Variants in SLC13A4 observed in about 807,000 individuals in gnomAD.
The protein encoded by SLC13A4 is Na(+)/sulfate cotransporter SUT-1.
Under a neutral mutation model 72.7 loss-of-function variants are expected in SLC13A4, and 28 were observed. The ratio of observed to expected loss-of-function variants is 0.39; its 90% CI spans 0.29 to 0.53. SLC13A4 has a LOEUF of 0.53. Among genes scored for constraint, SLC13A4 ranks in the 20% least tolerant of loss-of-function variants. The pLI is 0.78. For synonymous variants in SLC13A4, 312 were observed against 325.5 expected, an observed-to-expected ratio of 0.96 and a Z score of 0.45; for missense variants, 653 against 788.0, an observed-to-expected ratio of 0.83 and a Z score of 2.05.
intron 13 of SLC13A4, among the ~76,000 whole-genome samples, chr7:135,688,204 G>C (rs570215746): frequency 1.3e-5 from 2 of 151,850 alleles, no homozygotes; most frequent in Non-Finnish European, 2.9e-5. Context: ...TCAAACTCCT[G>C]ATCTCAGGTG....
chr7:135,684,521 C>T (rs1795577960), intron 14 of SLC13A4, among the ~76,000 whole-genome samples: 2 of 152,094 alleles, frequency 1.3e-5, no homozygotes, highest in South Asian at 4.1e-4. Flanking sequence ...TGGTGTTATT[C>T]TAAGGAATTG....
intron 6 of SLC13A4, chr7:135,702,620 C>A: frequency 2.0e-6 from 1 of 503,506 alleles, no homozygotes; most frequent in East Asian, 3.7e-5. Flanking sequence ...AAGTGGTCCT[C>A]CTGCTGTGGC....
chr7:135,705,985 G>A (rs1267563775), intron 4 of SLC13A4, 143 bp downstream of exon 4: 6 of 706,600 alleles, frequency 8.5e-6, no homozygotes, highest in African/African-American at 1.8e-5. Context: ...AGGAGAGAGG[G>A]AAGAGGAAGG....
intron 10 of SLC13A4, 188 bp from the exon 11 acceptor site, chr7:135,692,612 A>G (rs1795815238): frequency 1.8e-6 from 1 of 570,094 alleles, no homozygotes; most frequent in African/African-American, 1.9e-5. Flanking sequence ...AAAACATGAC[A>G]TTAACCATGT....
At chr7:135,721,579 T>C (rs138974266) in intron 1 of SLC13A4, 56 bp from the exon 2 acceptor site, 6 of 1,603,794 alleles carry the variant, frequency 3.7e-6, no homozygotes, top group Admixed American at 1.7e-5. Context: ...CCACTGAGCG[T>C]CCGGATGCAA....
intron 14 of SLC13A4, among the ~76,000 whole-genome samples, chr7:135,685,269 C>A (rs1291255470): frequency 6.6e-6 from 1 of 152,208 alleles, no homozygotes; most frequent in Non-Finnish European, 1.5e-5. Flanking sequence ...CAGGGCTGCC[C>A]CTAAACTAAT....
At chr7:135,702,674 C>G in intron 6 of SLC13A4, 171 bp downstream of exon 6, 1 of 649,108 alleles carries the variant, frequency 1.5e-6, no homozygotes, top group Non-Finnish European at 2.7e-6. Context: ...CCACGCCCAG[C>G]CAATGTGTCC....
At chr7:135,692,245 CCCCTG>C in intron 11 of SLC13A4, 73 bp downstream of exon 11, 1 of 980,616 alleles carries the variant, frequency 1.0e-6, no homozygotes, top group Non-Finnish European at 1.6e-6. Context: ...TTCATATCTG[CCCCTG>C]AGAGTCTATG....
At chr7:135,684,066 C>A in intron 15 of SLC13A4, 58 bp downstream of exon 15, 1 of 1,513,276 alleles carries the variant, frequency 6.6e-7, no homozygotes, top group Non-Finnish European at 8.9e-7. Context: ...GGCTGCAGAG[C>A]TGTCATCCCT....
chr7:135,698,034 TTATC>T (rs1484441433), intron 8 of SLC13A4, among the ~76,000 whole-genome samples: 4 of 152,280 alleles, frequency 2.6e-5, no homozygotes, highest in African/African-American at 4.8e-5. Flanking sequence ...AAATTTTTAT[TTATC>T]TATTTATTTT....
chr7:135,702,522 C>G, intron 6 of SLC13A4: 1 of 280,098 alleles, frequency 3.6e-6, no homozygotes, highest in Non-Finnish European at 6.9e-6. Context: ...ATTACCGGTG[C>G]CCATCACCAC....
intron 13 of SLC13A4, among the ~76,000 whole-genome samples, chr7:135,689,357 G>C (rs1795722029): frequency 6.6e-6 from 1 of 152,200 alleles, no homozygotes; most frequent in African/African-American, 2.4e-5. Context: ...CAGTTAAAAA[G>C]AATGAAGGGT....
rs572067649 is a variant in SLC13A4 at position 135,695,546 on chromosome 7, G to A, written c.900-59C>T. 3.2e-6 allele frequency: 5 copies of A among 1,564,390 alleles called. No homozygotes were observed. The East Asian group carries it at 7.0e-5, about 22-fold the overall frequency. On this transcript the variant is annotated intron_variant, in intron 8 of 15. Transcript: ENST00000682651. ...AGGGAGGGTTTCCATATGGTATTTTGGGGTAGTATGCCAAATGCTCCCTAA... is the reference window on the plus strand; with the variant it reads ...AGGGAGGGTTTCCATATGGTATTTTAGGGTAGTATGCCAAATGCTCCCTAA...
intron 2 of SLC13A4, among the ~76,000 whole-genome samples, chr7:135,710,117 A>G (rs1796265185): frequency 6.6e-6 from 1 of 152,250 alleles, no homozygotes; most frequent in African/African-American, 2.4e-5. Flanking sequence ...AAACCCTCTT[A>G]AAGTGAGAAA....
chr7:135,699,382 A>G lies in SLC13A4; in HGVS notation c.881T>C (p.Phe294Ser). ...TIIGTSTSLI[F>S]LEHFNNQYPA... ...CACTTACTTGTTGAAGTGTTCCAGG[A>G]AGATGAGGCTGGTGGAGGTGCCGAT... The change falls in exon 8 of 16, where the codon TTC (phenylalanine) becomes TCC (serine). Residue 294 changes from phenylalanine to serine, a missense_variant. Coordinates refer to ENST00000682651, the MANE Select transcript of SLC13A4 (RefSeq NM_001318192.2). 1 of 1,612,134 alleles carries G rather than the reference A, an allele frequency of 6.2e-7. No individual in the cohort carries two copies. The highest frequency in any genetic ancestry group is 8.5e-7 in the Non-Finnish European group (1 of 1,179,114).
chr7:135,684,206 A>T lies in SLC13A4; in HGVS notation c.1664T>A (p.Ile555Asn). 1.9e-6 allele frequency: 3 copies of T among 1,613,048 alleles called. No homozygotes were observed. Among genetic ancestry groups the T allele is most frequent in the Non-Finnish European group, 2.5e-6 (3 of 1,179,416 alleles). Residue 555 changes from isoleucine to asparagine, a missense_variant, in exon 15 of 16, where the codon ATC becomes AAC. Ile to Asn is a moderately radical substitution (Grantham distance 149, BLOSUM62 -3). Coordinates refer to ENST00000682651, the MANE Select transcript of SLC13A4 (RefSeq NM_001318192.2). ...CACAGGCAGCATCACTGCAAAGGAGATGCACATGGTGACTGGGATCAGGGT... is the reference window on the plus strand; with the variant it reads ...CACAGGCAGCATCACTGCAAAGGAGTTGCACATGGTGACTGGGATCAGGGT... ...LYTLIPVTMC[I>N]SFAVMLPVGN...
chr7:135,692,610 A>T, intron 10 of SLC13A4, 186 bp from the exon 11 acceptor site: 1 of 571,586 alleles, frequency 1.7e-6, no homozygotes, highest in Non-Finnish European at 3.1e-6. Flanking sequence ...AGAAAACATG[A>T]CATTAACCAT....
intron 3 of SLC13A4, 69 bp downstream of exon 3, chr7:135,708,045 C>A: frequency 6.4e-7 from 1 of 1,569,550 alleles, no homozygotes; most frequent in Non-Finnish European, 8.7e-7. Context: ...TGACCTGAGA[C>A]CACTGTCCTG....
Position 135,727,403 on chromosome 7 carries a change from T to C in SLC13A4, c.94A>G (p.Ser32Gly), listed in dbSNP as rs1407806912. ...GGGCGCAGGTCGGTACTCACGCTGCTGGGGTGGAGGACGGGCAGAGGCAGC... is the reference window on the plus strand; with the variant it reads ...GGGCGCAGGTCGGTACTCACGCTGCCGGGGTGGAGGACGGGCAGAGGCAGC... ...LLLPLPVLHP[S>G]SEASCAYVLI... The change falls in exon 1 of 16, where the codon AGC becomes GGC. Residue 32 changes from serine (S) to glycine (G), a missense_variant. Ser to Gly is a moderately conservative substitution (Grantham distance 56). Transcript: ENST00000682651. The C allele has an allele frequency of 6.5e-7, 1 of 1,549,382 alleles. No homozygotes were observed. The highest frequency in any genetic ancestry group is 2.4e-5 in the East Asian group (1 of 40,900).
Sources: allele counts gnomAD v4.1 joint callset (sites outside exome capture counted in the v4.1 genomes callset), GRCh38; gene constraint gnomAD v4.1.1; transcripts MANE v1.5; gene names NCBI Gene and HGNC (gene_info 2026-07-23, HGNC 2026-07-21).